The following SPAG6 variants were observed in gnomAD, a reference collection of about 807,000 sequenced individuals.
The protein encoded by SPAG6 is sperm associated antigen 6, also known as sperm-associated antigen 6.
Under a neutral mutation model 58.5 loss-of-function variants are expected in SPAG6, and 49 were observed. That is an observed-to-expected ratio of 0.84 (90% CI 0.67 to 1.06). The LOEUF is 1.06. Ranked by LOEUF, SPAG6 falls within the 50% of genes least tolerant of loss-of-function variation. The pLI, the probability that SPAG6 is intolerant of heterozygous loss-of-function variation, is 0.00. For synonymous variants in SPAG6, 233 were observed against 225.6 expected, an observed-to-expected ratio of 1.03 and a Z score of -0.29; for missense variants, 560 against 611.3, an observed-to-expected ratio of 0.92 and a Z score of 0.89.
intron 7 of SPAG6, among the ~76,000 whole-genome samples, chr10:22,390,069 AT>A (rs201942899): frequency 0.012 from 1,837 of 152,066 alleles, 21 homozygotes; most frequent in Middle Eastern, 0.044. Context: ...AGAAATGTGG[AT>A]TTTTTTTATC....
chr10:22,416,669 A>C lies in SPAG6; in HGVS notation c.1511A>C (p.Tyr504Ser). The stretch of plus-strand genomic sequence containing the variant: ...ACACTTCTGCAGAGGGTGGACAGCT[A>C]TCAACCACTTAATAACTGAGCAAAG... The part of the protein sequence containing the change: ...SDTLLQRVDS[Y>S]QPLNN The change falls in exon 11 of 11, where the codon TAT becomes TCT. Residue 504 changes from tyrosine to serine, a missense_variant. Tyr to Ser is a moderately radical substitution (Grantham distance 144). Coordinates refer to ENST00000376624, the MANE Select transcript of SPAG6 (RefSeq NM_012443.4). 6.2e-7 allele frequency: 1 copy of C among 1,607,944 alleles called. No individual in the cohort carries two copies. The highest frequency in any genetic ancestry group is 1.3e-5 in the African/African-American group (1 of 74,906).
At chr10:22,358,551 A>C (rs986708710) in intron 2 of SPAG6, among the ~76,000 whole-genome samples, 1 of 151,954 alleles carries the variant, frequency 6.6e-6, no homozygotes, top group African/African-American at 2.4e-5. Context: ...CTCTGATGGT[A>C]GTTTCTTTTG....
chr10:22,384,851 C>G (rs750825294), intron 4 of SPAG6, among the ~76,000 whole-genome samples: 2 of 152,148 alleles, frequency 1.3e-5, no homozygotes, highest in Non-Finnish European at 2.9e-5. Context: ...TCAAGAATTA[C>G]TCAAGGAACA....
At chr10:22,409,510 G>A (rs1834669849) in intron 9 of SPAG6, among the ~76,000 whole-genome samples, 1 of 152,210 alleles carries the variant, frequency 6.6e-6, no homozygotes, top group Admixed American at 6.5e-5. Context: ...TCTAGCTGAG[G>A]AGAGCAGACA....
chr10:22,357,225 C>A (rs992243098), intron 2 of SPAG6, among the ~76,000 whole-genome samples: 1 of 152,118 alleles, frequency 6.6e-6, no homozygotes, highest in Non-Finnish European at 1.5e-5. Flanking sequence ...CTCCCCATGT[C>A]CCTCCAAGCC....
At chr10:22,360,617 T>C (rs994714546) in intron 2 of SPAG6, 2 of 155,032 alleles carry the variant, frequency 1.3e-5, no homozygotes, top group African/African-American at 4.8e-5. Flanking sequence ...ATTTAATCAG[T>C]TTTTATAGAG....
At chr10:22,366,145 C>T (rs1837194071) in intron 3 of SPAG6, among the ~76,000 whole-genome samples, 1 of 152,128 alleles carries the variant, frequency 6.6e-6, no homozygotes, top group Non-Finnish European at 1.5e-5. Context: ...CCACAATAGC[C>T]AAAAGGTGAA....
chr10:22,397,209 GACACACACACACACGCAC>G (rs1834313292), intron 8 of SPAG6, among the ~76,000 whole-genome samples: 1 of 151,236 alleles, frequency 6.6e-6, no homozygotes, highest in South Asian at 2.1e-4. Flanking sequence ...CACACACACA[GACACACACACACACGCAC>G]ACACACAAAT....
intron 9 of SPAG6, 86 bp from the exon 10 acceptor site, chr10:22,410,945 T>C (rs1245208077): frequency 1.3e-5 from 18 of 1,369,860 alleles, no homozygotes; most frequent in African/African-American, 2.9e-5. Context: ...CTCTTTTACA[T>C]TTTCTCACAT....
intron 7 of SPAG6, among the ~76,000 whole-genome samples, chr10:22,391,142 G>T (rs1834174866): frequency 6.6e-6 from 1 of 152,144 alleles, no homozygotes; most frequent in Admixed American, 6.5e-5. Context: ...AGTAGTCGTT[G>T]TTTTGACATT....
At chr10:22,368,450 T>G in intron 3 of SPAG6, 45 bp from the exon 4 acceptor site, 1 of 1,562,924 alleles carries the variant, frequency 6.4e-7, no homozygotes, top group African/African-American at 1.4e-5. Flanking sequence ...TTTGGTTTTC[T>G]AAGTACTCAA....
chr10:22,347,078 G>A (rs1836579677), intron 2 of SPAG6, among the ~76,000 whole-genome samples: 1 of 151,876 alleles, frequency 6.6e-6, no homozygotes, highest in African/African-American at 2.4e-5. Flanking sequence ...ATTTTATTCC[G>A]TGCGTATCCA....
intron 4 of SPAG6, among the ~76,000 whole-genome samples, chr10:22,381,410 A>G (rs952313874): frequency 1.2e-4 from 18 of 151,734 alleles, no homozygotes; most frequent in African/African-American, 4.3e-4. Context: ...CAGTAGGCCT[A>G]TATTCCTACA....
chr10:22,400,345 C>T (rs1317689801), intron 8 of SPAG6, among the ~76,000 whole-genome samples: 2 of 152,004 alleles, frequency 1.3e-5, no homozygotes, highest in Non-Finnish European at 2.9e-5. Context: ...TGTTGTGAAG[C>T]TTTCCAAACT....
At chr10:22,415,907 A>T (rs1293879104) in intron 10 of SPAG6, among the ~76,000 whole-genome samples, 1 of 152,128 alleles carries the variant, frequency 6.6e-6, no homozygotes, top group Non-Finnish European at 1.5e-5. Context: ...TCCATGACGT[A>T]TTAAGCATCT....
chr10:22,389,058 C>T (rs1241844024), intron 6 of SPAG6, 102 bp from the exon 7 acceptor site: 1 of 854,894 alleles, frequency 1.2e-6, no homozygotes, highest in Non-Finnish European at 1.7e-6. Flanking sequence ...AATTCAATTT[C>T]ACCAGTTGTT....
At chr10:22,399,027 T>C (rs1834355035) in intron 8 of SPAG6, among the ~76,000 whole-genome samples, 1 of 152,070 alleles carries the variant, frequency 6.6e-6, no homozygotes, top group African/African-American at 2.4e-5. Context: ...CCGTGTTGTC[T>C]AGGCTGGTCT....
intron 9 of SPAG6, among the ~76,000 whole-genome samples, chr10:22,407,833 A>G (rs1834599289): frequency 2.0e-5 from 3 of 151,748 alleles, no homozygotes; most frequent in Admixed American, 6.6e-5. Context: ...GGCTTTGCTC[A>G]TTTCTTTTTA....
intron 2 of SPAG6, chr10:22,346,098 A>C: frequency 6.7e-7 from 1 of 1,486,626 alleles, no homozygotes; most frequent in Non-Finnish European, 9.0e-7. Context: ...GAGTCATTTT[A>C]CGTGAATGGG....
Sources: gnomAD v4.1 joint callset for allele counts (sites outside exome capture counted in the v4.1 genomes callset) on GRCh38, gnomAD v4.1.1 for gene constraint, MANE v1.5 for transcripts, NCBI Gene and HGNC (gene_info 2026-07-23, HGNC 2026-07-21) for gene names.